The following EYS variants were observed in gnomAD, a reference collection of about 807,000 sequenced individuals.
EYS encodes the protein EGF-like photoreceptor maintenance factor.
Under a neutral mutation model 282.1 loss-of-function variants are expected in EYS, and 250 were observed. The ratio of observed to expected loss-of-function variants is 0.89; its 90% CI spans 0.80 to 0.98. The LOEUF (loss-of-function observed/expected upper bound fraction) is 0.98. EYS is among the 50% of genes least tolerant of loss of function. The probability of loss-of-function intolerance (pLI) is 0.00; values close to 1 mark genes in which losing one functional copy is unlikely to be tolerated. For missense variants in EYS, 4,016 were observed against 3,709.0 expected, an observed-to-expected ratio of 1.08 and a Z score of -2.15; for synonymous variants, 1,355 against 1,282.9, an observed-to-expected ratio of 1.06 and a Z score of -1.20.
intron 23 of EYS, among the ~76,000 whole-genome samples, chr6:64,619,833 C>T (rs1403338787): frequency 1.3e-5 from 2 of 151,946 alleles, no homozygotes; most frequent in Non-Finnish European, 2.9e-5. Flanking sequence ...GGAATGACTC[C>T]CAGGTCCTTG....
chr6:64,670,737 A>T (rs1408268733), intron 22 of EYS, among the ~76,000 whole-genome samples: 2 of 152,148 alleles, frequency 1.3e-5, no homozygotes, highest in African/African-American at 2.4e-5. Context: ...AAATGGCCAA[A>T]GACATAAGTA....
chr6:64,096,520 C>A (rs1772620986), intron 31 of EYS, among the ~76,000 whole-genome samples: 1 of 152,158 alleles, frequency 6.6e-6, no homozygotes, highest in Admixed American at 6.5e-5. Flanking sequence ...ATCATTGATA[C>A]CCTTTCTTCC....
chr6:64,164,146 T>C (rs2150302773), intron 31 of EYS, among the ~76,000 whole-genome samples: 1 of 152,232 alleles, frequency 6.6e-6, no homozygotes, highest in South Asian at 2.1e-4. Flanking sequence ...ATGAAGTCTT[T>C]CTCATCAGCC....
At chr6:65,704,410 C>G (rs954602842) in intron 1 of EYS, among the ~76,000 whole-genome samples, 2 of 152,112 alleles carry the variant, frequency 1.3e-5, no homozygotes, top group African/African-American at 4.8e-5. Context: ...AGCCCATGCT[C>G]GATTACTCTG....
chr6:64,629,396 A>G (rs1386640326), intron 22 of EYS, among the ~76,000 whole-genome samples: 1 of 152,054 alleles, frequency 6.6e-6, no homozygotes, highest in Non-Finnish European at 1.5e-5. Context: ...TAATTTCTTT[A>G]TATATATTTT....
chr6:64,596,086 G>A (rs1254283677), intron 24 of EYS, among the ~76,000 whole-genome samples: 3 of 151,984 alleles, frequency 2.0e-5, no homozygotes, highest in African/African-American at 7.3e-5. Context: ...CCAGGGAGGG[G>A]ATGGGTAGGG....
chr6:64,104,392 GTA>G (rs1772934976), intron 31 of EYS, among the ~76,000 whole-genome samples: 2 of 152,092 alleles, frequency 1.3e-5, no homozygotes, highest in Non-Finnish European at 2.9e-5. Flanking sequence ...GCTTATGTGT[GTA>G]TGTACATGTG....
intron 33 of EYS, among the ~76,000 whole-genome samples, chr6:64,001,178 T>A (rs911976930): frequency 6.6e-6 from 1 of 152,230 alleles, no homozygotes. Context: ...AGTGTGATTA[T>A]GTACAGAAGG....
chr6:64,779,403 C>T (rs1028846702), intron 22 of EYS, among the ~76,000 whole-genome samples: 2 of 151,966 alleles, frequency 1.3e-5, no homozygotes, highest in South Asian at 4.2e-4. Context: ...AGTCTATATA[C>T]TGTATGATTC....
chr6:65,163,380 T>C (rs1200059268), intron 12 of EYS, among the ~76,000 whole-genome samples: 3 of 151,288 alleles, frequency 2.0e-5, no homozygotes, highest in African/African-American at 7.3e-5. Flanking sequence ...TTAAAGACTC[T>C]AGAATGAAAT....
At chr6:65,624,208 G>A (rs1346155562) in intron 2 of EYS, among the ~76,000 whole-genome samples, 1 of 152,174 alleles carries the variant, frequency 6.6e-6, no homozygotes, top group Non-Finnish European at 1.5e-5. Context: ...AAGTTCCCCT[G>A]ATAGATATCA....
intron 12 of EYS, among the ~76,000 whole-genome samples, chr6:65,062,494 A>AC (rs2150160308): frequency 6.6e-6 from 1 of 152,090 alleles, no homozygotes; most frequent in South Asian, 2.1e-4. Flanking sequence ...TGCACAACAC[A>AC]TCCAGAGTAA....
chr6:64,619,672 G>A (rs1331564470), intron 23 of EYS, among the ~76,000 whole-genome samples: 1 of 151,850 alleles, frequency 6.6e-6, no homozygotes, highest in African/African-American at 2.4e-5. Flanking sequence ...TGTTTTTGCT[G>A]TTTTGTTTTG....
rs564095703 is a variant in EYS at position 65,584,569 on chromosome 6, C to T, written c.-333+55209G>A. Among the ~76,000 whole-genome samples, 47 of 151,916 alleles carry T rather than the reference C, an allele frequency of 3.1e-4. No individual in the cohort carries two copies. The South Asian group carries it at 7.3e-3, about 23-fold the overall frequency. Reference sequence around the variant, plus strand: ...AAGAATTAGTAACTTTTAGTTCCAACTGAATTATCCAGAATGTTCTATAAA... The same window carrying T: ...AAGAATTAGTAACTTTTAGTTCCAATTGAATTATCCAGAATGTTCTATAAA... On this transcript the variant is annotated intron_variant, in intron 2 of 42. Coordinates refer to ENST00000503581, the MANE Select transcript of EYS (RefSeq NM_001142800.2).
At chr6:64,240,606 A>G (rs937980629) in intron 30 of EYS, among the ~76,000 whole-genome samples, 1 of 152,068 alleles carries the variant, frequency 6.6e-6, no homozygotes, top group African/African-American at 2.4e-5. Context: ...TTGATTTTGT[A>G]TTGAGACTTT....
intron 22 of EYS, among the ~76,000 whole-genome samples, chr6:64,746,437 C>T (rs1367008516): frequency 1.3e-5 from 2 of 151,918 alleles, no homozygotes; most frequent in African/African-American, 4.8e-5. Context: ...CCTCCAGAAC[C>T]ATGAGCCAAT....
chr6:65,146,227 T>G (rs1275286294), intron 12 of EYS, among the ~76,000 whole-genome samples: 1 of 150,578 alleles, frequency 6.6e-6, no homozygotes, highest in Non-Finnish European at 1.5e-5. Context: ...GTTTAGCTTA[T>G]TTGTAAGAAA....
At chr6:65,291,335 C>A (rs1486395399) in intron 12 of EYS, among the ~76,000 whole-genome samples, 4 of 151,502 alleles carry the variant, frequency 2.6e-5, no homozygotes, top group Admixed American at 6.6e-5. Context: ...GGTCCTCCTG[C>A]ACACTGTTGG....
At chr6:64,019,655 C>A (rs1050372720) in intron 33 of EYS, among the ~76,000 whole-genome samples, 1 of 151,636 alleles carries the variant, frequency 6.6e-6, no homozygotes, top group Non-Finnish European at 1.5e-5. Context: ...GTGATCTGCC[C>A]GCCTCGGCCT....
Sources: gnomAD v4.1 joint callset for allele counts (sites outside exome capture counted in the v4.1 genomes callset) on GRCh38, gnomAD v4.1.1 for gene constraint, MANE v1.5 for transcripts, NCBI Gene and HGNC (gene_info 2026-07-23, HGNC 2026-07-21) for gene names.